Variants in FHIT observed in about 807,000 individuals in gnomAD.
The protein encoded by FHIT is fragile histidine triad diadenosine triphosphatase.
A neutral mutation model predicts 17.9 loss-of-function variants in FHIT; 19 were observed. That is an observed-to-expected ratio of 1.06 (90% confidence interval 0.74 to 1.56). The LOEUF is 1.56. FHIT is among the 40% of genes most tolerant of loss of function. The probability of loss-of-function intolerance (pLI) is 0.00; values close to 1 mark genes in which losing one functional copy is unlikely to be tolerated. For synonymous variants in FHIT, 81 were observed against 69.7 expected (o/e 1.16, Z -0.81); for missense variants, 248 against 189.2 (o/e 1.31, Z -1.82).
chr3:61,100,591 G>C (rs1005209479), intron 2 of FHIT, among the ~76,000 whole-genome samples: 2 of 152,122 alleles, frequency 1.3e-5, no homozygotes, highest in Non-Finnish European at 2.9e-5. Context: ...TGGGATTGCT[G>C]GGTCAAATGG....
At chr3:60,681,200 A>AT in intron 4 of FHIT, among the ~76,000 whole-genome samples, 1 of 152,270 alleles carries the variant, frequency 6.6e-6, no homozygotes, top group South Asian at 2.1e-4. Context: ...CAATTTGGTA[A>AT]TTCTCCCAAT....
intron 3 of FHIT, among the ~76,000 whole-genome samples, chr3:61,003,193 T>A (rs2031214807): frequency 6.6e-6 from 1 of 152,184 alleles, no homozygotes; most frequent in South Asian, 2.1e-4. Flanking sequence ...CTACAGAAAG[T>A]GTCTCTCCAT....
chr3:61,095,689 A>T (rs1311997643), intron 2 of FHIT, among the ~76,000 whole-genome samples: 1 of 151,728 alleles, frequency 6.6e-6, no homozygotes, highest in African/African-American at 2.4e-5. Flanking sequence ...TCTCATTCTA[A>T]CCTATCCCCA....
At chr3:60,215,080 C>T (rs1703636968) in intron 5 of FHIT, among the ~76,000 whole-genome samples, 1 of 152,062 alleles carries the variant, frequency 6.6e-6, no homozygotes, top group South Asian at 2.1e-4. Flanking sequence ...TACTCACTAC[C>T]TGGGTGACAG....
At chr3:59,986,498 AATATATATATATATAT>A (rs74199531) in intron 7 of FHIT, among the ~76,000 whole-genome samples, 2 of 62,334 alleles carry the variant, frequency 3.2e-5, no homozygotes, top group African/African-American at 1.4e-4. Context: ...AGTAGTCCAA[AATATATATATATATAT>A]ATATATATAT....
intron 2 of FHIT, among the ~76,000 whole-genome samples, chr3:61,051,624 T>C (rs2106653312): frequency 6.6e-6 from 1 of 152,252 alleles, no homozygotes; most frequent in Non-Finnish European, 1.5e-5. Context: ...CAACTACCAC[T>C]GGGTTGGCAA....
chr3:60,066,128 T>C (rs1702491943), intron 5 of FHIT, among the ~76,000 whole-genome samples: 2 of 152,080 alleles, frequency 1.3e-5, no homozygotes, highest in Admixed American at 1.3e-4. Context: ...TGACACAGTC[T>C]AGGATGGGAT....
intron 5 of FHIT, among the ~76,000 whole-genome samples, chr3:60,378,030 G>GTTTT (rs1258594089): frequency 1.3e-5 from 2 of 151,924 alleles, no homozygotes; most frequent in Non-Finnish European, 2.9e-5. Context: ...TTGTTTGTTT[G>GTTTT]TTTGTTTGTT....
chr3:60,122,182 G>A (rs1477466810), intron 5 of FHIT, among the ~76,000 whole-genome samples: 1 of 151,968 alleles, frequency 6.6e-6, no homozygotes, highest in Non-Finnish European at 1.5e-5. Context: ...CAAATGTACT[G>A]CTAATTACTC....
intron 3 of FHIT, among the ~76,000 whole-genome samples, chr3:60,882,776 C>T (rs1705036494): frequency 6.6e-6 from 1 of 152,026 alleles, no homozygotes; most frequent in Non-Finnish European, 1.5e-5. Flanking sequence ...CAGGGAATAG[C>T]TAAAAGCTTT....
At chr3:60,377,078 TAC>T (rs1375798335) in intron 5 of FHIT, among the ~76,000 whole-genome samples, 5 of 152,178 alleles carry the variant, frequency 3.3e-5, no homozygotes, top group African/African-American at 1.2e-4. Context: ...GTTGAAAAAA[TAC>T]ACAGGTGACT....
At chr3:60,812,651 T>C (rs78331087) in intron 4 of FHIT, among the ~76,000 whole-genome samples, 4,889 of 152,242 alleles carry the variant, frequency 0.032, 123 homozygotes, top group Non-Finnish European at 0.053. Flanking sequence ...AAATTGACTA[T>C]ATCCAGAATG....
chr3:60,314,868 C>G (rs1277084971), intron 5 of FHIT, among the ~76,000 whole-genome samples: 6 of 152,054 alleles, frequency 3.9e-5, no homozygotes, highest in African/African-American at 7.2e-5. Context: ...CAGGATCACT[C>G]GAGTCCCAAG....
intron 5 of FHIT, among the ~76,000 whole-genome samples, chr3:60,293,664 G>A (rs1708084641): frequency 6.6e-6 from 1 of 152,144 alleles, no homozygotes; most frequent in Non-Finnish European, 1.5e-5. Context: ...GCCATAAAAA[G>A]TATCCTGAGA....
intron 7 of FHIT, among the ~76,000 whole-genome samples, chr3:59,975,846 C>T (rs750579334): frequency 2.7e-5 from 4 of 150,218 alleles, no homozygotes; most frequent in Non-Finnish European, 5.9e-5. Flanking sequence ...TAGGACCTAA[C>T]AGATTGGACT....
chr3:61,186,043 G>C (rs934552088), intron 2 of FHIT, among the ~76,000 whole-genome samples: 16 of 152,238 alleles, frequency 1.1e-4, no homozygotes, highest in South Asian at 6.2e-4. Context: ...TGCACCATTA[G>C]GAAAGAACTA....
At chr3:60,909,653 A>C (rs1706625348) in intron 3 of FHIT, among the ~76,000 whole-genome samples, 1 of 152,196 alleles carries the variant, frequency 6.6e-6, no homozygotes, top group Non-Finnish European at 1.5e-5. Context: ...GAAGTTAAAA[A>C]ACAGGTTTTC....
chr3:59,847,866 A>T (rs1701778584), intron 8 of FHIT, among the ~76,000 whole-genome samples: 1 of 152,174 alleles, frequency 6.6e-6, no homozygotes, highest in African/African-American at 2.4e-5. Context: ...AGCTATCTAA[A>T]GTCTCCCACA....
chr3:59,830,574 C>T (rs1383116358), intron 8 of FHIT, among the ~76,000 whole-genome samples: 1 of 152,164 alleles, frequency 6.6e-6, no homozygotes, highest in Admixed American at 6.5e-5. Flanking sequence ...GCAGTTTTCC[C>T]CAACAGGCCT....
Sources: allele counts gnomAD v4.1 joint callset (sites outside exome capture counted in the v4.1 genomes callset), GRCh38; gene constraint gnomAD v4.1.1; transcripts MANE v1.5; gene names NCBI Gene and HGNC (gene_info 2026-07-23, HGNC 2026-07-21).